Variants in SEC22C observed in about 807,000 individuals in gnomAD.
SEC22C encodes the protein vesicle-trafficking protein SEC22c.
Under a neutral mutation model 34.7 loss-of-function variants are expected in SEC22C, and 29 were observed. The ratio of observed to expected loss-of-function variants is 0.84; its 90% confidence interval spans 0.62 to 1.14. The LOEUF (loss-of-function observed/expected upper bound fraction) is 1.14, where lower values mean the gene tolerates loss of function less well. Among genes scored for constraint, SEC22C ranks in the 50% most tolerant of loss-of-function variants. The probability of loss-of-function intolerance (pLI) is 0.00; values close to 1 mark genes in which losing one functional copy is unlikely to be tolerated. For synonymous variants in SEC22C, 117 were observed against 132.8 expected (o/e 0.88, Z 0.82); for missense variants, 337 against 369.0 (o/e 0.91, Z 0.71).
At chr3:42,590,619 G>A (rs1450469236) in intron 1 of SEC22C, among the ~76,000 whole-genome samples, 2 of 152,022 alleles carry the variant, frequency 1.3e-5, no homozygotes, top group Non-Finnish European at 2.9e-5. Flanking sequence ...CCTAACACTG[G>A]AGGTGCTGAC....
At chr3:42,578,079 A>C (rs1466766234) in intron 1 of SEC22C, among the ~76,000 whole-genome samples, 1 of 152,236 alleles carries the variant, frequency 6.6e-6, no homozygotes, top group Admixed American at 6.5e-5. Context: ...CAGAGAAATA[A>C]AAATTTGTGT....
chr3:42,585,576 T>C (rs1486930854), upstream of SEC22C, among the ~76,000 whole-genome samples: 2 of 152,222 alleles, frequency 1.3e-5, no homozygotes, highest in Non-Finnish European at 2.9e-5. Context: ...CATCGAGTCT[T>C]CATTTCCTTC....
chr3:42,565,988 C>G lies in SEC22C; in HGVS notation c.183-2302G>C. ...TTTTATTCCTTTTTCCAAAATACTA[C>G]TGAAGTATCCAGGATTTAAATCTGA... On this transcript the variant is annotated intron_variant, in intron 2 of 6. Transcript: ENST00000264454. 6.9e-6 allele frequency: 3 copies of G among 436,892 alleles called. No homozygotes were observed. The Admixed American group carries it at 7.8e-5, about 11-fold the overall frequency. The allele number at this position is 436,892 out of a possible 1,614,324, so 27.1% of individuals were successfully genotyped here.
At position 42,551,381 on chromosome 3, in the gene SEC22C, A is replaced by T. The variant is rs1453405375; in HGVS notation, c.*1867T>A. 1.0e-6 allele frequency: 1 copy of T among 968,248 alleles called. No homozygotes were observed. The highest frequency in any genetic ancestry group is 1.8e-5 in the African/African-American group (1 of 56,876). The allele number at this position is 968,248 out of a possible 1,614,324, so 60.0% of individuals were successfully genotyped here. On this transcript the variant is annotated 3_prime_UTR_variant, in exon 7 of 7. Coordinates refer to ENST00000264454, the MANE Select transcript of SEC22C (RefSeq NM_032970.4). ...TTTAGAGACAGGGTTTCACTCTGTC[A>T]TGCAGGCTGGGGTGCAGTGGTGTGA...
At chr3:42,596,577 G>A (rs1204479523) in intron 1 of SEC22C, among the ~76,000 whole-genome samples, 2 of 152,356 alleles carry the variant, frequency 1.3e-5, no homozygotes, top group Admixed American at 6.5e-5. Context: ...TGGAGGAGGT[G>A]TCAGTCATTT....
chr3:42,590,837 G>A, intron 1 of SEC22C: 1 of 1,557,862 alleles, frequency 6.4e-7, no homozygotes, highest in Non-Finnish European at 8.9e-7. Context: ...CTTCGAGAGC[G>A]TAGGCCCCAC....
chr3:42,548,948 C>T lies in SEC22C; in HGVS notation c.*4300G>A, dbSNP rs558368946. 31 of 1,194,672 alleles carry T rather than the reference C, an allele frequency of 2.6e-5. No homozygotes were observed. The highest frequency in any genetic ancestry group is 3.2e-5 in the Non-Finnish European group (31 of 956,744). 74.0% of individuals were successfully genotyped at this position (1,194,672 alleles called of 1,614,324 possible). A position where few individuals can be genotyped will look rare whatever the true frequency, so the allele number is the denominator to read the frequency against. On this transcript the variant is annotated 3_prime_UTR_variant, in exon 7 of 7. Transcript: ENST00000264454. ...ACCACTTTTGACCCTCATAACAGCA[C>T]CCTGGCGGGGGGGCAGATTGATGTT...
chr3:42,588,898 C>A (rs1365827584), intron 1 of SEC22C, among the ~76,000 whole-genome samples: 1 of 152,074 alleles, frequency 6.6e-6, no homozygotes, highest in Admixed American at 6.6e-5. Context: ...GGCTTGGTAA[C>A]CAGGAAGCCC....
chr3:42,584,198 C>A (rs1704535006), upstream of SEC22C, among the ~76,000 whole-genome samples: 1 of 152,184 alleles, frequency 6.6e-6, no homozygotes, highest in African/African-American at 2.4e-5. Flanking sequence ...TTGACTAATA[C>A]AGATGTCAAC....
rs1702190888 is a variant in SEC22C, at chr3:42,550,402, C to T, written c.*2846G>A. 1.0e-6 allele frequency: 1 copy of T among 985,300 alleles called. No homozygotes were observed. The highest frequency in any genetic ancestry group is 1.7e-5 in the African/African-American group (1 of 57,222). 61.0% of individuals were successfully genotyped at this position (985,300 alleles called of 1,614,324 possible). ...ACCAGTTTGCTGGTATCAAGGATCA[C>T]ACAAGAGGCTATAAACCTCCAACCC... On this transcript the variant is annotated 3_prime_UTR_variant, in exon 7 of 7. Coordinates refer to ENST00000264454, the MANE Select transcript of SEC22C (RefSeq NM_032970.4).
upstream of SEC22C, among the ~76,000 whole-genome samples, chr3:42,584,751 G>C (rs116162833): frequency 3.0e-3 from 463 of 152,316 alleles, 3 homozygotes; most frequent in African/African-American, 0.011. Flanking sequence ...AATGAGGGTA[G>C]GTCATAACAG....
intron 1 of SEC22C, chr3:42,591,044 T>C: frequency 2.7e-6 from 4 of 1,469,704 alleles, no homozygotes; most frequent in African/African-American, 1.4e-5. Context: ...AGAAGCATCC[T>C]GTAGTGAGCG....
In SEC22C at chr3:42,550,006, T is replaced by C. The variant is rs146587951; in HGVS notation, c.*3242A>G. The C allele has an allele frequency of 1.6e-5, 16 of 985,406 alleles. No individual in the cohort carries two copies. In the African/African-American group the frequency reaches 2.4e-4, roughly 15 times the overall value. The allele number at this position is 985,406 out of a possible 1,614,324, so 61.0% of individuals were successfully genotyped here. A position where few individuals can be genotyped will look rare whatever the true frequency, so the allele number is the denominator to read the frequency against. On this transcript the variant is annotated 3_prime_UTR_variant, in exon 7 of 7. Coordinates refer to ENST00000264454, the MANE Select transcript of SEC22C (RefSeq NM_032970.4). ...TCCACCCAGGAAAAGGAAAGCCAGG[T>C]ACACTTCTCATCACAGTAAGACTAG...
intron 1 of SEC22C, among the ~76,000 whole-genome samples, chr3:42,573,188 GA>G (rs1227477864): frequency 1.3e-5 from 2 of 152,102 alleles, no homozygotes; most frequent in Non-Finnish European, 2.9e-5. Flanking sequence ...TCTCAGTAAA[GA>G]AACAGAAGAT....
At chr3:42,566,678 C>CAA (rs71072721) in intron 2 of SEC22C, 18,656 of 129,496 alleles carry the variant, frequency 0.14, 1,463 homozygotes, top group African/African-American at 0.23. Flanking sequence ...GACTCCGTCT[C>CAA]AAAAAAAAAA....
chr3:42,573,930 G>C (rs1400500133), intron 1 of SEC22C, among the ~76,000 whole-genome samples: 2 of 152,056 alleles, frequency 1.3e-5, no homozygotes, highest in African/African-American at 4.8e-5. Context: ...GGCTGAAAAA[G>C]TATTCAAAGA....
At position 42,551,593 on chromosome 3, in the gene SEC22C, C is replaced by CGGAA. The variant is rs1295194652; in HGVS notation, c.*1654_*1655insTTCC. ...CCTCAACCGAGTCTCCTGCTTTGGC[C>CGGAA]TTCCAAAGTGCTGGGAATACAGGCA... On this transcript the variant is annotated 3_prime_UTR_variant, in exon 7 of 7. Transcript: ENST00000264454. 1 of 754,956 alleles carries CGGAA rather than the reference C, an allele frequency of 1.3e-6. No homozygotes were observed. Among genetic ancestry groups the CGGAA allele is most frequent in the African/African-American group, 1.9e-5 (1 of 52,660 alleles). The allele number at this position is 754,956 out of a possible 1,614,324, so 46.8% of individuals were successfully genotyped here.
rs553811343 is a variant in SEC22C at position 42,574,027 on chromosome 3, C to T, written c.-27-4954G>A. On this transcript the variant is annotated intron_variant, in intron 1 of 6. Transcript: ENST00000264454. ...TGAACAAATCCCAGAAAGGATAAAC[C>T]CAGAAACCCATGCCAGCACACAGAC... Among the ~76,000 whole-genome samples, 12 of 152,068 alleles carry T rather than the reference C, an allele frequency of 7.9e-5. No homozygotes were observed. In the South Asian group the frequency reaches 2.5e-3, roughly 32 times the overall value.
rs147706972 is a variant in SEC22C at position 42,559,069 on chromosome 3, C to A, written c.527-1373G>T. ...GCTGTTTCTAGAACTATAATTAGAA[C>A]AAATGCTCATTTTCTCTGTAAAGAT... On this transcript the variant is annotated intron_variant, in intron 4 of 6. Coordinates refer to ENST00000264454, the MANE Select transcript of SEC22C (RefSeq NM_032970.4). Among the ~76,000 whole-genome samples, 791 of 152,310 alleles carry A rather than the reference C, an allele frequency of 5.2e-3. 2 individuals carry two copies. The highest frequency in any genetic ancestry group is 7.4e-3 in the Non-Finnish European group (504 of 68,016).
Sources: gnomAD v4.1 joint callset for allele counts (sites outside exome capture counted in the v4.1 genomes callset) on GRCh38, gnomAD v4.1.1 for gene constraint, MANE v1.5 for transcripts, NCBI Gene and HGNC (gene_info 2026-07-23, HGNC 2026-07-21) for gene names.